Variants in ARRDC3 observed in about 807,000 individuals in gnomAD.
ARRDC3 encodes the protein arrestin domain-containing protein 3.
In ARRDC3, 10 loss-of-function variants were observed where a neutral mutation model predicts 47.2. The ratio of observed to expected loss-of-function variants is 0.21; its 90% CI spans 0.13 to 0.36. The LOEUF (loss-of-function observed/expected upper bound fraction) is 0.36, where lower values mean the gene tolerates loss of function less well. Among genes scored for constraint, ARRDC3 ranks in the 10% least tolerant of loss-of-function variants. The pLI, the probability that ARRDC3 is intolerant of heterozygous loss-of-function variation, is 1.00. For synonymous variants in ARRDC3, 156 were observed against 178.3 expected (o/e 0.87, Z 1.00); for missense variants, 381 against 503.6 (o/e 0.76, Z 2.33).
At position 91,374,799 on chromosome 5, in the gene ARRDC3, C is replaced by G. The variant is rs1325441566; in HGVS notation, c.870+123G>C. The G allele has an allele frequency of 7.2e-6, 7 of 971,868 alleles. No individual in the cohort carries two copies. The African/African-American group carries it at 1.2e-4, about 16-fold the overall frequency. The allele number at this position is 971,868 out of a possible 1,614,324, so 60.2% of individuals were successfully genotyped here. On this transcript the variant is annotated intron_variant, in intron 5 of 7. Coordinates refer to ENST00000265138, the MANE Select transcript of ARRDC3 (RefSeq NM_020801.4). ...TACTTGGGAGCTGAGGTGGGAGGATCACTGGAGCCCAGAAAGCAGAGGCTG... is the reference window on the plus strand; with the variant it reads ...TACTTGGGAGCTGAGGTGGGAGGATGACTGGAGCCCAGAAAGCAGAGGCTG...
intron 5 of ARRDC3, 48 bp from the exon 6 acceptor site, chr5:91,374,324 C>A: frequency 6.5e-7 from 1 of 1,533,716 alleles, no homozygotes; most frequent in Non-Finnish European, 8.9e-7. Context: ...AGTATGATTT[C>A]CTTTTCAAAA....
chr5:91,374,213 T>G lies in ARRDC3; in HGVS notation c.934A>C (p.Ile312Leu). 1 of 1,613,968 alleles carries G rather than the reference T, an allele frequency of 6.2e-7. No homozygotes were observed. The highest frequency in any genetic ancestry group is 1.7e-5 in the Admixed American group (1 of 60,014). The change falls in exon 6 of 8, where the codon ATT becomes CTT. Residue 312 changes from isoleucine to leucine, a missense_variant. Ile to Leu is a conservative substitution (Grantham distance 5). Transcript: ENST00000265138. Reference protein sequence around the residue: ...FLNLPLVIGTIPLHPFGSRTS... With the variant: ...FLNLPLVIGTLPLHPFGSRTS... Reference sequence around the variant, plus strand: ...CTGCTACCAAATGGATGTAGAGGAATGGTACCGATGACAAGTGGCAAATTA... The same window carrying G: ...CTGCTACCAAATGGATGTAGAGGAAGGGTACCGATGACAAGTGGCAAATTA...
At position 91,369,603 on chromosome 5, in the gene ARRDC3, C is replaced by G. The variant is rs1379320712; in HGVS notation, c.*1797G>C. ...GCTTTAAGACAGTATTTAACCAGGTCAAGCACCAAGCCAGAGCTACTATTA... is the reference window on the plus strand; with the variant it reads ...GCTTTAAGACAGTATTTAACCAGGTGAAGCACCAAGCCAGAGCTACTATTA... On this transcript the variant is annotated 3_prime_UTR_variant, in exon 8 of 8. Coordinates refer to ENST00000265138, the MANE Select transcript of ARRDC3 (RefSeq NM_020801.4). The G allele has an allele frequency of 6.6e-6, 1 of 152,458 alleles. No individual in the cohort carries two copies. The highest frequency in any genetic ancestry group is 2.4e-5 in the African/African-American group (1 of 41,378). The allele number at this position is 152,458 out of a possible 1,614,324, so 9.4% of individuals were successfully genotyped here. A position where few individuals can be genotyped will look rare whatever the true frequency, so the allele number is the denominator to read the frequency against.
Position 91,374,929 on chromosome 5 carries a change from G to A in ARRDC3, c.863C>T (p.Ser288Leu). 6.2e-7 allele frequency: 1 copy of A among 1,614,062 alleles called. No individual in the cohort carries two copies. Among genetic ancestry groups the A allele is most frequent in the Non-Finnish European group, 8.5e-7 (1 of 1,179,962 alleles). The change falls in exon 5 of 8, where the codon TCA (serine) becomes TTA (leucine). Residue 288 changes from serine (S) to leucine (L), a missense_variant. By Grantham distance (145) the Ser-to-Leu change is moderately radical. Transcript: ENST00000265138. ...TCTTAAATGTGTACATACCATTAGT[G>A]AATATTCCACGCGGATTATACTACA... ...LDCSIIRVEY[S>L]LMVYVDIPGA...
chr5:91,375,485 T>C, intron 4 of ARRDC3, 26 bp downstream of exon 4: 1 of 1,525,472 alleles, frequency 6.6e-7, no homozygotes, highest in Non-Finnish European at 8.9e-7. Flanking sequence ...AGAAAAGTTT[T>C]TTGTGGGAAT....
chr5:91,376,545 C>A, intron 3 of ARRDC3, 76 bp downstream of exon 3: 1 of 1,263,030 alleles, frequency 7.9e-7, no homozygotes, highest in South Asian at 1.6e-5. Flanking sequence ...ATGACAACTG[C>A]ATAGTTTAGG....
At chr5:91,376,524 A>G (rs1799306564) in intron 3 of ARRDC3, 97 bp downstream of exon 3, 9 of 1,086,676 alleles carry the variant, frequency 8.3e-6, no homozygotes, top group African/African-American at 1.6e-5. Context: ...GAAAACCAGT[A>G]TTTTTAAATT....
Position 91,374,195 on chromosome 5 carries a change from C to T in ARRDC3, c.952G>A (p.Gly318Ser). 1 of 1,613,906 alleles carries T rather than the reference C, an allele frequency of 6.2e-7. No homozygotes were observed. Among genetic ancestry groups the T allele is most frequent in the Non-Finnish European group, 8.5e-7 (1 of 1,179,906 alleles). Residue 318 changes from glycine to serine, a missense_variant, in exon 6 of 8, where the codon GGT (glycine) becomes AGT (serine). Transcript: ENST00000265138. ...CTGCTTACACTTGAGGTTCTGCTAC[C>T]AAATGGATGTAGAGGAATGGTACCG... The part of the protein sequence containing the change: ...VIGTIPLHPF[G>S]SRTSSVSSQC...
intron 2 of ARRDC3, among the ~76,000 whole-genome samples, 179 bp from the exon 3 acceptor site, chr5:91,376,947 C>G (rs1341004528): frequency 6.6e-6 from 1 of 152,110 alleles, no homozygotes; most frequent in Non-Finnish European, 1.5e-5. Flanking sequence ...CTATTTCCAA[C>G]TAAGAATAAA....
At chr5:91,381,657 A>G (rs921144165) in intron 1 of ARRDC3, among the ~76,000 whole-genome samples, 9 of 152,248 alleles carry the variant, frequency 5.9e-5, no homozygotes, top group Non-Finnish European at 1.0e-4. Flanking sequence ...CGTTTTTAAT[A>G]TAAAAAATAA....
rs1181850812 is a variant in ARRDC3, at chr5:91,383,128, C to A, written c.-36G>T. 1 of 1,530,334 alleles carries A rather than the reference C, an allele frequency of 6.5e-7. No individual in the cohort carries two copies. 94.8% of individuals were successfully genotyped at this position (1,530,334 alleles called of 1,614,324 possible). Reference sequence around the variant, plus strand: ...AAATCTATAAAAATATAATGTAAGACAAAAAAGTCAAGATCGCATATAAAA... The same window carrying A: ...AAATCTATAAAAATATAATGTAAGAAAAAAAAGTCAAGATCGCATATAAAA... On this transcript the variant is annotated 5_prime_UTR_variant, in exon 1 of 8. Coordinates refer to ENST00000265138, the MANE Select transcript of ARRDC3 (RefSeq NM_020801.4).
intron 1 of ARRDC3, chr5:91,380,300 C>G (rs990362572): frequency 6.5e-6 from 1 of 152,956 alleles, no homozygotes; most frequent in African/African-American, 2.4e-5. Context: ...GCCCGCGCAA[C>G]CTAGCCTGCT....
At chr5:91,380,194 A>C (rs1799414031) in intron 1 of ARRDC3, 1 of 162,800 alleles carries the variant, frequency 6.1e-6, no homozygotes, top group South Asian at 1.7e-4. Context: ...GCGCGAGCAG[A>C]TCCCAGCCGG....
At chr5:91,373,998 T>C (rs1187896467) in intron 6 of ARRDC3, 116 bp downstream of exon 6, 2 of 1,422,926 alleles carry the variant, frequency 1.4e-6, no homozygotes, top group Non-Finnish European at 1.9e-6. Flanking sequence ...TAGGGGCACA[T>C]CTACTTTCTT....
chr5:91,376,668 C>T lies in ARRDC3; in HGVS notation c.463G>A (p.Glu155Lys), dbSNP rs1799309967. Residue 155 changes from glutamate (E) to lysine (K), a missense_variant, in exon 3 of 8, where the codon GAA becomes AAA. Coordinates refer to ENST00000265138, the MANE Select transcript of ARRDC3 (RefSeq NM_020801.4). ...TCTATATGCTCAAAGACTGTAAATTCCTTCTTTAATTTTACTGGTAGTAGC... is the reference window on the plus strand; with the variant it reads ...TCTATATGCTCAAAGACTGTAAATTTCTTCTTTAATTTTACTGGTAGTAGC... ...PWLLPVKLKK[E>K]FTVFEHIDIN... The T allele has an allele frequency of 6.2e-7, 1 of 1,613,108 alleles. No homozygotes were observed. Among genetic ancestry groups the T allele is most frequent in the East Asian group, 2.2e-5 (1 of 44,804 alleles).
Position 91,371,211 on chromosome 5 carries a change from T to C in ARRDC3, c.*189A>G. 1.7e-6 allele frequency: 1 copy of C among 571,468 alleles called. No homozygotes were observed. The highest frequency in any genetic ancestry group is 3.1e-6 in the Non-Finnish European group (1 of 322,150). 35.4% of individuals were successfully genotyped at this position (571,468 alleles called of 1,614,324 possible). On this transcript the variant is annotated 3_prime_UTR_variant, in exon 8 of 8. Transcript: ENST00000265138. The stretch of plus-strand genomic sequence containing the variant: ...AGAAAAGCTTAGATCTTCAAGCATG[T>C]TGGAGCAGTCTCAGAATGTTGCTGT...
At chr5:91,382,271 G>A (rs1311533781) in intron 1 of ARRDC3, among the ~76,000 whole-genome samples, 1 of 152,138 alleles carries the variant, frequency 6.6e-6, no homozygotes, top group African/African-American at 2.4e-5. Context: ...AACACGTGGG[G>A]TGTTGATACC....
Position 91,376,758 on chromosome 5 carries a change from T to C in ARRDC3, c.373A>G (p.Thr125Ala). ...CTGCCATGTCGGCCTTCGAATGAGG[T>C]AGCGAGTGGTCTGTGCAGAATATAA... The part of the protein sequence containing the change: ...SFELPQTPLA[T>A]SFEGRHGSVR... Residue 125 changes from threonine (T) to alanine (A), a missense_variant, in exon 3 of 8, where the codon ACC becomes GCC. Physicochemically the swap from Thr to Ala is moderately conservative, Grantham distance 58. Coordinates refer to ENST00000265138, the MANE Select transcript of ARRDC3 (RefSeq NM_020801.4). 1 of 1,613,664 alleles carries C rather than the reference T, an allele frequency of 6.2e-7. No individual in the cohort carries two copies. The highest frequency in any genetic ancestry group is 8.5e-7 in the Non-Finnish European group (1 of 1,179,814).
Position 91,374,940 on chromosome 5 carries a change from G to A in ARRDC3, c.852C>T (p.Arg284=), listed in dbSNP as rs368267750. 2.2e-5 allele frequency: 36 copies of A among 1,614,060 alleles called. No homozygotes were observed. Among genetic ancestry groups the A allele is most frequent in the Admixed American group, 1.3e-4 (8 of 59,992 alleles). The change falls in exon 5 of 8, where the codon CGC becomes CGT. Residue 284 remains arginine, a synonymous_variant. Coordinates refer to ENST00000265138, the MANE Select transcript of ARRDC3 (RefSeq NM_020801.4). ...TACATACCATTAGTGAATATTCCACGCGGATTATACTACAGTCGAGGATAG... is the reference window on the plus strand; with the variant it reads ...TACATACCATTAGTGAATATTCCACACGGATTATACTACAGTCGAGGATAG... ...SPSILDCSII[R]VEYSLMVYVD...
Sources: gnomAD v4.1 joint callset for allele counts (sites outside exome capture counted in the v4.1 genomes callset) on GRCh38, gnomAD v4.1.1 for gene constraint, MANE v1.5 for transcripts, NCBI Gene and HGNC (gene_info 2026-07-23, HGNC 2026-07-21) for gene names.